NUDT3: variants seen among roughly 807,000 people sequenced by gnomAD.
NUDT3 encodes the protein nudix hydrolase 3.
NUDT3 carries 9 observed loss-of-function variants against 23.6 expected under a neutral mutation model. The observed-to-expected ratio is 0.38, with a 90% confidence interval of 0.23 to 0.66. NUDT3 has a LOEUF of 0.66. Among genes scored for constraint, NUDT3 ranks in the 30% least tolerant of loss-of-function variants. NUDT3 has a pLI of 0.52. For missense variants in NUDT3, 172 were observed against 218.5 expected (o/e 0.79, Z 1.34); for synonymous variants, 86 against 82.6 (o/e 1.04, Z -0.22).
intron 2 of NUDT3, among the ~76,000 whole-genome samples, chr6:34,298,235 C>A: frequency 6.6e-6 from 1 of 151,992 alleles, no homozygotes; most frequent in East Asian, 1.9e-4. Flanking sequence ...GTGGCACATG[C>A]CCATAGTCCC....
At chr6:34,334,048 A>T (rs1395491817) in intron 2 of NUDT3, among the ~76,000 whole-genome samples, 1 of 152,252 alleles carries the variant, frequency 6.6e-6, no homozygotes, top group Non-Finnish European at 1.5e-5. Flanking sequence ...GCGCGTGACC[A>T]GGCTCCTTGA....
chr6:34,387,689 A>G (rs1338537596), intron 1 of NUDT3, among the ~76,000 whole-genome samples: 1 of 151,130 alleles, frequency 6.6e-6, no homozygotes, highest in Non-Finnish European at 1.5e-5. Flanking sequence ...AAAAAAAAAA[A>G]AAAAAAAGTG....
chr6:34,343,613 T>C (rs1182254948), intron 1 of NUDT3, among the ~76,000 whole-genome samples: 1 of 151,512 alleles, frequency 6.6e-6, no homozygotes, highest in Non-Finnish European at 1.5e-5. Context: ...ACAACCTAAA[T>C]GTAAGAGCTA....
At chr6:34,330,073 A>G (rs1295097304) in intron 2 of NUDT3, among the ~76,000 whole-genome samples, 1 of 152,192 alleles carries the variant, frequency 6.6e-6, no homozygotes, top group Non-Finnish European at 1.5e-5. Context: ...GATTGGTTCC[A>G]AGTCTTTGCT....
rs1763270390 is a variant in NUDT3, at chr6:34,280,678, C to T, written c.*8075G>A. The T allele has an allele frequency of 6.6e-6, 1 of 152,210 alleles. No homozygotes were observed. Among genetic ancestry groups the T allele is most frequent in the African/African-American group, 2.4e-5 (1 of 41,452 alleles). The allele number at this position is 152,210 out of a possible 1,614,324, so 9.4% of individuals were successfully genotyped here. On this transcript the variant is annotated 3_prime_UTR_variant, in exon 5 of 5. Transcript: ENST00000607016. ...GAGATCTATATATGCTCTCATCCTG[C>T]AACCCAAGAGATTAGGTGACCTAAT...
chr6:34,339,446 G>A (rs1764256868), intron 2 of NUDT3, among the ~76,000 whole-genome samples: 1 of 152,220 alleles, frequency 6.6e-6, no homozygotes, highest in Non-Finnish European at 1.5e-5. Context: ...CTCTACTGCA[G>A]TAGTATCTCA....
At chr6:34,362,904 A>C (rs1764672140) in intron 1 of NUDT3, among the ~76,000 whole-genome samples, 1 of 152,112 alleles carries the variant, frequency 6.6e-6, no homozygotes, top group African/African-American at 2.4e-5. Flanking sequence ...TGTGACTCTA[A>C]AGCCATTATT....
At chr6:34,382,924 G>A (rs1005907667) in intron 1 of NUDT3, among the ~76,000 whole-genome samples, 2 of 151,764 alleles carry the variant, frequency 1.3e-5, no homozygotes, top group African/African-American at 2.4e-5. Flanking sequence ...TCAGGAGTTC[G>A]AGACCAGCCT....
At chr6:34,352,657 T>G (rs1440281215) in intron 1 of NUDT3, among the ~76,000 whole-genome samples, 1 of 152,192 alleles carries the variant, frequency 6.6e-6, no homozygotes, top group African/African-American at 2.4e-5. Flanking sequence ...AGACATTCAC[T>G]GTAAACTCAA....
At chr6:34,345,005 A>T (rs117699346) in intron 1 of NUDT3, among the ~76,000 whole-genome samples, 4 of 150,798 alleles carry the variant, frequency 2.7e-5, no homozygotes, top group Admixed American at 6.6e-5. Flanking sequence ...CATTTTGATT[A>T]AAAAAAAAGA....
At chr6:34,337,337 C>T (rs1050680639) in intron 2 of NUDT3, among the ~76,000 whole-genome samples, 6 of 152,168 alleles carry the variant, frequency 3.9e-5, no homozygotes, top group Non-Finnish European at 4.4e-5. Flanking sequence ...ATCACATCAT[C>T]ATATCCCATA....
chr6:34,317,542 A>G (rs777039658), intron 2 of NUDT3, among the ~76,000 whole-genome samples: 6 of 152,176 alleles, frequency 3.9e-5, no homozygotes, highest in Non-Finnish European at 8.8e-5. Flanking sequence ...GGAAAAAGGT[A>G]TTCAAGCTTT....
intron 2 of NUDT3, among the ~76,000 whole-genome samples, chr6:34,303,148 C>T (rs1403250925): frequency 1.3e-5 from 2 of 150,990 alleles, no homozygotes; most frequent in African/African-American, 4.9e-5. Flanking sequence ...CCTCCCTCCT[C>T]GGCCTCCTGA....
intron 1 of NUDT3, among the ~76,000 whole-genome samples, chr6:34,390,135 C>T (rs1765173882): frequency 6.6e-6 from 1 of 151,682 alleles, no homozygotes; most frequent in South Asian, 2.1e-4. Context: ...GAGACTCCGT[C>T]TCAAAATAAA....
rs1457158479 is a variant in NUDT3 at position 34,281,030 on chromosome 6, G to A, written c.*7723C>T. On this transcript the variant is annotated 3_prime_UTR_variant, in exon 5 of 5. Transcript: ENST00000607016. ...GGAAACATTTGTTGAACTTGGCCAA[G>A]AGGAGATTGTATATGGATGGCACAC... The A allele has an allele frequency of 6.6e-6, 1 of 152,226 alleles. No individual in the cohort carries two copies. Among genetic ancestry groups the A allele is most frequent in the Non-Finnish European group, 1.5e-5 (1 of 68,042 alleles). The allele number at this position is 152,226 out of a possible 1,614,324, so 9.4% of individuals were successfully genotyped here.
chr6:34,349,937 A>T (rs1764441349), intron 1 of NUDT3, among the ~76,000 whole-genome samples: 1 of 150,214 alleles, frequency 6.7e-6, no homozygotes. Flanking sequence ...AAAAACACAA[A>T]AAATGAGCCA....
Position 34,390,116 on chromosome 6 carries a change from C to T in NUDT3, c.99+2148G>A, listed in dbSNP as rs1477740205. Among the ~76,000 whole-genome samples the T allele has an allele frequency of 3.3e-5, 5 of 151,784 alleles. No homozygotes were observed. The South Asian group carries it at 6.2e-4, about 19-fold the overall frequency. On this transcript the variant is annotated intron_variant, in intron 1 of 4. Transcript: ENST00000607016. Reference sequence around the variant, plus strand: ...TCACGCCACTGCACTCCAGCCTGGGCGAAAGAGCGAGACTCCGTCTCAAAA... The same window carrying T: ...TCACGCCACTGCACTCCAGCCTGGGTGAAAGAGCGAGACTCCGTCTCAAAA...
At chr6:34,296,622 T>A (rs1343709038) in intron 2 of NUDT3, among the ~76,000 whole-genome samples, 3 of 152,136 alleles carry the variant, frequency 2.0e-5, no homozygotes, top group African/African-American at 2.4e-5. Context: ...CATAGATTAC[T>A]TCATTCACTT....
intron 1 of NUDT3, among the ~76,000 whole-genome samples, chr6:34,388,157 T>G (rs1046441086): frequency 6.6e-6 from 1 of 152,204 alleles, no homozygotes; most frequent in East Asian, 1.9e-4. Context: ...CTATACCATA[T>G]AGCCTACATG....
Sources: gnomAD v4.1 joint callset for allele counts (sites outside exome capture counted in the v4.1 genomes callset) on GRCh38, gnomAD v4.1.1 for gene constraint, MANE v1.5 for transcripts, NCBI Gene and HGNC (gene_info 2026-07-23, HGNC 2026-07-21) for gene names.